RALGAPA2: variants seen among roughly 807,000 people sequenced by gnomAD.
The protein encoded by RALGAPA2 is Ral GTPase activating protein catalytic subunit alpha 2.
RALGAPA2 carries 139 observed loss-of-function variants against 230.4 expected under a neutral mutation model. The ratio of observed to expected loss-of-function variants is 0.60; its 90% confidence interval spans 0.53 to 0.69. RALGAPA2 has a LOEUF of 0.69. Ranked by LOEUF, RALGAPA2 falls within the 30% of genes least tolerant of loss-of-function variation. RALGAPA2 has a pLI of 0.00. For synonymous variants in RALGAPA2, 847 were observed against 837.8 expected (o/e 1.01, Z -0.19); for missense variants, 2,163 against 2,276.0 (o/e 0.95, Z 1.01).
At chr20:20,693,608 C>CATGA (rs1275383581) in intron 1 of RALGAPA2, among the ~76,000 whole-genome samples, 2 of 152,178 alleles carry the variant, frequency 1.3e-5, no homozygotes, top group African/African-American at 2.4e-5. Context: ...GTGTTTACAG[C>CATGA]TGTCGAATAA....
At chr20:20,589,230 T>C (rs1479770436) in intron 18 of RALGAPA2, 38 bp downstream of exon 18, 2 of 1,522,128 alleles carry the variant, frequency 1.3e-6, no homozygotes, top group Non-Finnish European at 1.8e-6. Context: ...TAATGTTTAT[T>C]TTTAATGACA....
intron 3 of RALGAPA2, among the ~76,000 whole-genome samples, chr20:20,666,677 T>C (rs543992312): frequency 3.3e-5 from 5 of 152,184 alleles, no homozygotes; most frequent in Non-Finnish European, 7.3e-5. Flanking sequence ...AAAAATATGA[T>C]TCTGCCACCT....
chr20:20,425,236 C>G (rs1001775025), intron 37 of RALGAPA2, among the ~76,000 whole-genome samples: 4 of 152,204 alleles, frequency 2.6e-5, no homozygotes, highest in Non-Finnish European at 5.9e-5. Flanking sequence ...TATAAACAAT[C>G]TCTTAGGCCC....
intron 3 of RALGAPA2, among the ~76,000 whole-genome samples, chr20:20,674,223 G>C (rs1053860534): frequency 2.7e-5 from 4 of 149,744 alleles, no homozygotes; most frequent in Non-Finnish European, 5.9e-5. Flanking sequence ...AATAGTAATA[G>C]TAATTAGTCC....
intron 2 of RALGAPA2, 146 bp from the exon 3 acceptor site, chr20:20,676,434 A>G: frequency 1.9e-6 from 1 of 516,572 alleles, no homozygotes. Flanking sequence ...TGGAGAACAC[A>G]TTAGGATTGC....
intron 31 of RALGAPA2, 74 bp from the exon 32 acceptor site, chr20:20,513,358 TG>T: frequency 9.7e-7 from 1 of 1,026,098 alleles, no homozygotes. Context: ...TTTTTTTGGG[TG>T]GGGGGCAGGG....
chr20:20,572,974 C>A lies in RALGAPA2; in HGVS notation c.2802G>T (p.Arg934Ser). 1 of 1,606,270 alleles carries A rather than the reference C, an allele frequency of 6.2e-7. No individual in the cohort carries two copies. Among genetic ancestry groups the A allele is most frequent in the Non-Finnish European group, 8.5e-7 (1 of 1,176,350 alleles). ...TCACATCTCCGAGGATCCCCAAGAC[C>A]CTTCGCCATAACACAGCAGCAGAGT... The part of the protein sequence containing the change: ...HPDSAAVLWR[R>S]VLGILGDVNN... The change falls in exon 21 of 40, where the codon AGG becomes AGT. Residue 934 changes from arginine to serine, a missense_variant. Coordinates refer to ENST00000202677, the MANE Select transcript of RALGAPA2 (RefSeq NM_020343.4).
intron 36 of RALGAPA2, among the ~76,000 whole-genome samples, chr20:20,477,481 C>G (rs2061678868): frequency 6.6e-6 from 1 of 152,096 alleles, no homozygotes; most frequent in African/African-American, 2.4e-5. Flanking sequence ...ACTTTGTAAA[C>G]AGTTGGAAAA....
intron 37 of RALGAPA2, among the ~76,000 whole-genome samples, chr20:20,458,366 ATC>A (rs959137591): frequency 5.4e-5 from 8 of 149,088 alleles, no homozygotes; most frequent in South Asian, 4.2e-4. Flanking sequence ...TACATTTTGA[ATC>A]TGTTTGTCCA....
chr20:20,502,021 C>T (rs1420092235), intron 35 of RALGAPA2, among the ~76,000 whole-genome samples: 1 of 151,970 alleles, frequency 6.6e-6, no homozygotes, highest in Non-Finnish European at 1.5e-5. Context: ...TCAAAGGTCA[C>T]TGATTACAGA....
chr20:20,544,601 C>A (rs1176978095), intron 24 of RALGAPA2, among the ~76,000 whole-genome samples: 5 of 152,070 alleles, frequency 3.3e-5, no homozygotes. Flanking sequence ...TTTACCATAG[C>A]AAAGACTTGG....
chr20:20,406,081 A>C (rs2059939176), intron 38 of RALGAPA2, among the ~76,000 whole-genome samples: 1 of 152,232 alleles, frequency 6.6e-6, no homozygotes, highest in Non-Finnish European at 1.5e-5. Context: ...GTCGGATGGC[A>C]CTAAAATTAA....
chr20:20,615,874 T>C (rs2066125829), intron 13 of RALGAPA2, among the ~76,000 whole-genome samples, 169 bp downstream of exon 13: 1 of 152,224 alleles, frequency 6.6e-6, no homozygotes, highest in African/African-American at 2.4e-5. Context: ...AATTGATCTG[T>C]CAAAGTACTG....
In RALGAPA2 at chr20:20,589,367, T is replaced by C. The variant is rs2065221478; in HGVS notation, c.2342-2A>G. The C allele has an allele frequency of 1.3e-6, 2 of 1,579,088 alleles. No individual in the cohort carries two copies. The highest frequency in any genetic ancestry group is 1.7e-6 in the Non-Finnish European group (2 of 1,160,498). On this transcript the variant is annotated splice_acceptor_variant, in intron 17 of 39. Transcript: ENST00000202677. LOFTEE classifies it high-confidence loss of function. ...TCTGTGTGTTTTCTGCCTTTTGACC[T>C]AGAAATGGTGGGGCAGGGGGGTAGC... is the stretch of plus-strand genomic sequence containing the variant.
intron 11 of RALGAPA2, 50 bp downstream of exon 11, chr20:20,620,413 T>C (rs1325261831): frequency 6.3e-7 from 1 of 1,575,822 alleles, no homozygotes; most frequent in African/African-American, 1.4e-5. Flanking sequence ...CAAGTATACT[T>C]TACTAAAATA....
chr20:20,618,598 CCT>C (rs2066223269), intron 12 of RALGAPA2, among the ~76,000 whole-genome samples: 1 of 152,078 alleles, frequency 6.6e-6, no homozygotes, highest in Non-Finnish European at 1.5e-5. Flanking sequence ...ACATGAGAGG[CCT>C]AAGTGACACA....
intron 38 of RALGAPA2, among the ~76,000 whole-genome samples, chr20:20,401,151 C>G (rs929983987): frequency 6.6e-6 from 1 of 152,110 alleles, no homozygotes; most frequent in Non-Finnish European, 1.5e-5. Flanking sequence ...GACTTGTATA[C>G]TTCATGTGGT....
At chr20:20,547,587 C>G (rs1396602337) in intron 23 of RALGAPA2, among the ~76,000 whole-genome samples, 2 of 152,196 alleles carry the variant, frequency 1.3e-5, no homozygotes, top group Non-Finnish European at 2.9e-5. Context: ...CACCACTGGA[C>G]AGCATTCATG....
chr20:20,598,405 T>C (rs1202114111), intron 16 of RALGAPA2, among the ~76,000 whole-genome samples: 1 of 152,192 alleles, frequency 6.6e-6, no homozygotes, highest in Admixed American at 6.5e-5. Context: ...GGCATCACAT[T>C]TCCCCCTATT....
Sources: allele counts gnomAD v4.1 joint callset (sites outside exome capture counted in the v4.1 genomes callset), GRCh38; gene constraint gnomAD v4.1.1; transcripts MANE v1.5; gene names NCBI Gene and HGNC (gene_info 2026-07-23, HGNC 2026-07-21).